The following RHPN2 variants were observed in gnomAD, a reference collection of about 807,000 sequenced individuals.
RHPN2 encodes rhophilin Rho GTPase binding protein 2.
RHPN2 carries 40 observed loss-of-function variants against 79.0 expected under a neutral mutation model. That is an observed-to-expected ratio of 0.51 (90% CI 0.39 to 0.66). The LOEUF is 0.66. Ranked by LOEUF, RHPN2 falls within the 30% of genes least tolerant of loss-of-function variation. The probability of loss-of-function intolerance (pLI) is 0.00; values close to 1 mark genes in which losing one functional copy is unlikely to be tolerated. For synonymous variants in RHPN2, 285 were observed against 363.5 expected (o/e 0.78, Z 2.46); for missense variants, 686 against 883.5 (o/e 0.78, Z 2.83).
At chr19:33,056,809 C>A (rs1482840407) in intron 1 of RHPN2, among the ~76,000 whole-genome samples, 3 of 151,826 alleles carry the variant, frequency 2.0e-5, no homozygotes, top group Non-Finnish European at 4.4e-5. Flanking sequence ...GAGGCTTGGG[C>A]CCAAAGAGTT....
chr19:33,026,164 T>C (rs1343579574), intron 3 of RHPN2, among the ~76,000 whole-genome samples: 1 of 151,938 alleles, frequency 6.6e-6, no homozygotes, highest in Non-Finnish European at 1.5e-5. Context: ...TTTTTTTTTT[T>C]ATTTTTAGCA....
Position 32,992,145 on chromosome 19 carries a change from T to C in RHPN2, c.1498-176A>G, listed in dbSNP as rs1971665262. 8 of 653,282 alleles carry C rather than the reference T, an allele frequency of 1.2e-5. No individual in the cohort carries two copies. In the South Asian group the frequency reaches 1.2e-4, roughly 10 times the overall value. The allele number at this position is 653,282 out of a possible 1,614,324, so 40.5% of individuals were successfully genotyped here. ...CATGCGAGAACCTGGAAAGCCATCT[T>C]CTCAAACATACCCAATATATTTTCA... On this transcript the variant is annotated intron_variant, in intron 12 of 14. Coordinates refer to ENST00000254260, the MANE Select transcript of RHPN2 (RefSeq NM_033103.5).
chr19:33,014,375 A>G (rs1971861427), intron 4 of RHPN2, among the ~76,000 whole-genome samples: 1 of 151,986 alleles, frequency 6.6e-6, no homozygotes, highest in Non-Finnish European at 1.5e-5. Flanking sequence ...GTGCAATCAT[A>G]GCTCACTGCA....
At chr19:33,039,794 C>T (rs1009039513) in intron 2 of RHPN2, among the ~76,000 whole-genome samples, 4 of 150,412 alleles carry the variant, frequency 2.7e-5, no homozygotes, top group Admixed American at 6.7e-5. Flanking sequence ...GCTAAGATCA[C>T]GCCACTGCAC....
chr19:33,011,932 G>T, intron 5 of RHPN2, 129 bp from the exon 6 acceptor site: 2 of 1,215,972 alleles, frequency 1.6e-6, no homozygotes, highest in Non-Finnish European at 2.4e-6. Flanking sequence ...CTCGCTACTG[G>T]CATCGTAAAC....
chr19:33,056,365 GC>G (rs1972233190), intron 1 of RHPN2, among the ~76,000 whole-genome samples: 1 of 152,020 alleles, frequency 6.6e-6, no homozygotes, highest in African/African-American at 2.4e-5. Flanking sequence ...ACCCACCTCA[GC>G]TTCCCAAAGT....
chr19:33,027,588 G>T (rs1186021235), intron 2 of RHPN2, among the ~76,000 whole-genome samples: 2 of 151,676 alleles, frequency 1.3e-5, no homozygotes, highest in Non-Finnish European at 2.9e-5. Context: ...GAAGGGAGAG[G>T]TAATGCTTCC....
intron 9 of RHPN2, among the ~76,000 whole-genome samples, chr19:33,001,972 C>A (rs923020252): frequency 3.3e-5 from 5 of 152,122 alleles, no homozygotes; most frequent in African/African-American, 1.2e-4. Context: ...GCATTTTTGG[C>A]CTTCCCTTAG....
intron 2 of RHPN2, among the ~76,000 whole-genome samples, chr19:33,036,917 G>A (rs776716485): frequency 1.2e-4 from 17 of 137,276 alleles, no homozygotes; most frequent in Non-Finnish European, 1.9e-4. Context: ...GAGCCTCCCC[G>A]ACGAGCGCCG....
At chr19:32,995,182 C>T (rs1190134796) in intron 11 of RHPN2, among the ~76,000 whole-genome samples, 2 of 152,072 alleles carry the variant, frequency 1.3e-5, no homozygotes, top group Non-Finnish European at 2.9e-5. Flanking sequence ...AAATGATTCT[C>T]CTGCCTCAGC....
intron 1 of RHPN2, among the ~76,000 whole-genome samples, chr19:33,052,482 A>G (rs1972197102): frequency 6.6e-6 from 1 of 152,234 alleles, no homozygotes; most frequent in Non-Finnish European, 1.5e-5. Flanking sequence ...CTTCTCCAGC[A>G]AAGATTATTT....
chr19:32,979,818 A>G lies in RHPN2; in HGVS notation c.*178T>C, dbSNP rs1341430949. The G allele has an allele frequency of 3.9e-5, 29 of 734,804 alleles. No individual in the cohort carries two copies. Among genetic ancestry groups the G allele is most frequent in the Middle Eastern group, 3.6e-4 (1 of 2,752 alleles). The allele number at this position is 734,804 out of a possible 1,614,324, so 45.5% of individuals were successfully genotyped here. ...ACCTCAAAAAAGTTCTTTTTTCACTAATTCCTAGAGGTTTCTTGGTTACTT... is the reference window on the plus strand; with the variant it reads ...ACCTCAAAAAAGTTCTTTTTTCACTGATTCCTAGAGGTTTCTTGGTTACTT... On this transcript the variant is annotated 3_prime_UTR_variant, in exon 15 of 15. Coordinates refer to ENST00000254260, the MANE Select transcript of RHPN2 (RefSeq NM_033103.5).
At chr19:33,003,085 G>T in intron 7 of RHPN2, 85 bp from the exon 8 acceptor site, 1 of 1,258,854 alleles carries the variant, frequency 7.9e-7, no homozygotes, top group Non-Finnish European at 1.1e-6. Flanking sequence ...GAGGCCGAGT[G>T]CGGTGGCTCA....
rs1319187698 is a variant in RHPN2 at position 33,012,805 on chromosome 19, A to G, written c.391-81T>C. ...CATAATAGTAATATGTCAATTGTGAACCCATTTTTAAAAAGGCAGAATAAA... is the reference window on the plus strand; with the variant it reads ...CATAATAGTAATATGTCAATTGTGAGCCCATTTTTAAAAAGGCAGAATAAA... On this transcript the variant is annotated intron_variant, in intron 4 of 14. Transcript: ENST00000254260. The G allele has an allele frequency of 8.9e-6, 7 of 790,438 alleles. No homozygotes were observed. In the East Asian group the frequency reaches 1.5e-4, roughly 17 times the overall value. 49.0% of individuals were successfully genotyped at this position (790,438 alleles called of 1,614,324 possible). A position where few individuals can be genotyped will look rare whatever the true frequency, so the allele number is the denominator to read the frequency against.
chr19:33,017,288 C>T (rs1182407200), intron 4 of RHPN2, among the ~76,000 whole-genome samples: 4 of 151,864 alleles, frequency 2.6e-5, no homozygotes, highest in African/African-American at 4.8e-5. Context: ...GCAGGAGAAC[C>T]GCTTGAACCC....
Position 33,029,248 on chromosome 19 carries a change from C to T in RHPN2, c.186-2616G>A, listed in dbSNP as rs148420090. ...TCAGAATAAAAGTCCAGGAATAGGCCGGGTGTGGTAGCTCACGCCTGTAAT... is the reference window on the plus strand; with the variant it reads ...TCAGAATAAAAGTCCAGGAATAGGCTGGGTGTGGTAGCTCACGCCTGTAAT... On this transcript the variant is annotated intron_variant, in intron 2 of 14. Coordinates refer to ENST00000254260, the MANE Select transcript of RHPN2 (RefSeq NM_033103.5). Among the ~76,000 whole-genome samples the T allele has an allele frequency of 5.4e-3, 826 of 151,958 alleles. 3 individuals carry two copies. Among genetic ancestry groups the T allele is most frequent in the African/African-American group, 0.018 (765 of 41,462 alleles).
intron 12 of RHPN2, 44 bp from the exon 13 acceptor site, chr19:32,992,013 T>A: frequency 1.2e-6 from 2 of 1,612,578 alleles, no homozygotes; most frequent in Non-Finnish European, 1.7e-6. Flanking sequence ...GAAGGCTGGA[T>A]CAGACGCTTG....
intron 5 of RHPN2, 149 bp downstream of exon 5, chr19:33,012,497 AT>A: frequency 1.4e-6 from 1 of 711,812 alleles, no homozygotes; most frequent in Non-Finnish European, 2.6e-6. Flanking sequence ...CAGTTTTCTT[AT>A]GCAGCAAGTG....
rs12608926 is a variant in RHPN2 at position 32,999,582 on chromosome 19, G to A, written c.1225+4C>T. 0.16 allele frequency: 262,644 copies of A among 1,599,122 alleles called. 9,796 individuals are homozygous for A. The highest frequency in any genetic ancestry group is 0.26 in the South Asian group (23,193 of 90,276). Reference sequence around the variant, plus strand: ...CCCACATCTGGGTGCAGGGGGACACGCACCCAGCTGTCGGCGCTGCTGATC... The same window carrying A: ...CCCACATCTGGGTGCAGGGGGACACACACCCAGCTGTCGGCGCTGCTGATC... On this transcript the variant is annotated splice_donor_region_variant and intron_variant, in intron 10 of 14. Coordinates refer to ENST00000254260, the MANE Select transcript of RHPN2 (RefSeq NM_033103.5).
Sources: allele counts gnomAD v4.1 joint callset (sites outside exome capture counted in the v4.1 genomes callset), GRCh38; gene constraint gnomAD v4.1.1; transcripts MANE v1.5; gene names NCBI Gene and HGNC (gene_info 2026-07-23, HGNC 2026-07-21).